ASCC1: variants seen among roughly 807,000 people sequenced by gnomAD.
ASCC1 encodes activating signal cointegrator 1 complex subunit 1.
Under a neutral mutation model 46.6 loss-of-function variants are expected in ASCC1, and 35 were observed. The ratio of observed to expected loss-of-function variants is 0.75; its 90% confidence interval spans 0.57 to 0.99. ASCC1 has a LOEUF of 0.99. Among genes scored for constraint, ASCC1 ranks in the 50% least tolerant of loss-of-function variants. ASCC1 has a pLI of 0.00. For missense variants in ASCC1, 376 were observed against 428.7 expected, an observed-to-expected ratio of 0.88 and a Z score of 1.09; for synonymous variants, 143 against 146.6, an observed-to-expected ratio of 0.98 and a Z score of 0.18.
intron 3 of ASCC1, among the ~76,000 whole-genome samples, chr10:72,206,135 T>G (rs1354467584): frequency 7.0e-6 from 1 of 142,004 alleles, no homozygotes; most frequent in Admixed American, 7.1e-5. Flanking sequence ...CCAGGCATGG[T>G]GGCTCACGCC....
chr10:72,189,935 G>C (rs1414620036), intron 5 of ASCC1: 41 of 726,530 alleles, frequency 5.6e-5, no homozygotes, highest in Non-Finnish European at 1.3e-5. Flanking sequence ...CATCAGGTAA[G>C]CCAAGACAAG....
chr10:72,172,842 T>G, intron 5 of ASCC1, among the ~76,000 whole-genome samples: 1 of 132,282 alleles, frequency 7.6e-6, no homozygotes, highest in East Asian at 2.0e-4. Context: ...ATTTTTATAT[T>G]ATATATAATA....
At chr10:72,113,794 T>A (rs1453491646) in intron 9 of ASCC1, among the ~76,000 whole-genome samples, 1 of 152,230 alleles carries the variant, frequency 6.6e-6, no homozygotes, top group Non-Finnish European at 1.5e-5. Context: ...GCTGTCAAAA[T>A]ATGAAAAGCC....
intron 5 of ASCC1, among the ~76,000 whole-genome samples, chr10:72,184,752 G>A (rs1341922191): frequency 2.0e-5 from 3 of 150,472 alleles, no homozygotes; most frequent in Admixed American, 6.6e-5. Flanking sequence ...CCAAGATCAC[G>A]GCACTTCAGC....
intron 3 of ASCC1, among the ~76,000 whole-genome samples, chr10:72,209,352 G>A (rs949925782): frequency 3.3e-5 from 5 of 152,038 alleles, no homozygotes; most frequent in East Asian, 3.9e-4. Context: ...AGGCTTGGTG[G>A]TGTGTGCCGG....
At chr10:72,122,245 C>G (rs1013196880) in intron 9 of ASCC1, among the ~76,000 whole-genome samples, 1 of 152,008 alleles carries the variant, frequency 6.6e-6, no homozygotes, top group African/African-American at 2.4e-5. Context: ...ATGGTGAAAC[C>G]CCATCTCTAC....
intron 6 of ASCC1, among the ~76,000 whole-genome samples, chr10:72,157,116 T>C (rs186613233): frequency 6.6e-6 from 1 of 152,302 alleles, no homozygotes; most frequent in Non-Finnish European, 1.5e-5. Context: ...CCAGATACTT[T>C]TTCTAATTAA....
At chr10:72,139,810 G>A (rs1846745867) in intron 7 of ASCC1, among the ~76,000 whole-genome samples, 1 of 152,142 alleles carries the variant, frequency 6.6e-6, no homozygotes, top group South Asian at 2.1e-4. Flanking sequence ...TGCTTCCTGA[G>A]CGCTCACTGT....
intron 9 of ASCC1, among the ~76,000 whole-genome samples, chr10:72,127,324 T>C (rs933343821): frequency 6.6e-6 from 1 of 152,176 alleles, no homozygotes; most frequent in East Asian, 1.9e-4. Flanking sequence ...ATCATGAATA[T>C]TACAGAAGGG....
intron 1 of ASCC1, among the ~76,000 whole-genome samples, chr10:72,214,969 T>C (rs1196676198): frequency 1.3e-5 from 2 of 152,218 alleles, no homozygotes; most frequent in African/African-American, 2.4e-5. Context: ...GAATCAATAA[T>C]TTAGGAAACA....
At chr10:72,216,368 G>C (rs1245734358), upstream of ASCC1, 1 of 172,156 alleles carries the variant, frequency 5.8e-6, no homozygotes, top group Admixed American at 5.7e-5. Flanking sequence ...TAGTTTCCTG[G>C]GGACCCAGCT....
intron 9 of ASCC1, among the ~76,000 whole-genome samples, chr10:72,112,051 C>T (rs1032772657): frequency 2.0e-5 from 3 of 152,182 alleles, no homozygotes; most frequent in Non-Finnish European, 2.9e-5. Context: ...TAACACTTAG[C>T]CATTGTTGAT....
chr10:72,165,138 G>C (rs1045011059), intron 5 of ASCC1, among the ~76,000 whole-genome samples: 1 of 151,628 alleles, frequency 6.6e-6, no homozygotes, highest in Admixed American at 6.6e-5. Context: ...TTTTGAGACG[G>C]AGTTTCGCTC....
intron 9 of ASCC1, among the ~76,000 whole-genome samples, chr10:72,100,292 G>A (rs1261220061): frequency 2.6e-5 from 4 of 151,070 alleles, no homozygotes; most frequent in East Asian, 3.9e-4. Flanking sequence ...GCAGTGGCGC[G>A]ATCTCAGCTC....
chr10:72,137,131 G>A (rs1846327595), intron 7 of ASCC1, among the ~76,000 whole-genome samples: 1 of 151,894 alleles, frequency 6.6e-6, no homozygotes, highest in Non-Finnish European at 1.5e-5. Context: ...GCTCAAGTAG[G>A]TCTTGAACTC....
chr10:72,189,110 G>T (rs1169479766), intron 5 of ASCC1, among the ~76,000 whole-genome samples: 1 of 151,952 alleles, frequency 6.6e-6, no homozygotes, highest in Non-Finnish European at 1.5e-5. Flanking sequence ...TAAAGATTTG[G>T]AGAAGTTAGG....
At chr10:72,199,916 A>G (rs990215119) in intron 4 of ASCC1, among the ~76,000 whole-genome samples, 8 of 151,810 alleles carry the variant, frequency 5.3e-5, no homozygotes, top group Non-Finnish European at 1.2e-4. Flanking sequence ...ATTTTTTTGT[A>G]GAGATGGGGT....
intron 5 of ASCC1, among the ~76,000 whole-genome samples, chr10:72,165,941 G>A (rs540389637): frequency 8.7e-4 from 132 of 152,264 alleles, no homozygotes; most frequent in Middle Eastern, 3.4e-3. Context: ...TGCTCCAAAC[G>A]TTTTCTATGC....
At chr10:72,208,110 A>C (rs570552524) in intron 3 of ASCC1, among the ~76,000 whole-genome samples, 1 of 152,096 alleles carries the variant, frequency 6.6e-6, no homozygotes, top group Non-Finnish European at 1.5e-5. Flanking sequence ...GATTACAGGT[A>C]TGAGCCACCA....
Sources: allele counts gnomAD v4.1 joint callset (sites outside exome capture counted in the v4.1 genomes callset), GRCh38; gene constraint gnomAD v4.1.1; transcripts MANE v1.5; gene names NCBI Gene and HGNC (gene_info 2026-07-23, HGNC 2026-07-21).